Variants in MAGI1 observed in about 807,000 individuals in gnomAD.
MAGI1 encodes membrane-associated guanylate kinase, WW and PDZ domain-containing protein 1.
In MAGI1, 58 loss-of-function variants were observed where a neutral mutation model predicts 139.9. That is an observed-to-expected ratio of 0.41 (90% CI 0.34 to 0.52). The LOEUF (loss-of-function observed/expected upper bound fraction) is 0.52. Among genes scored for constraint, MAGI1 ranks in the 20% least tolerant of loss-of-function variants. The pLI is 0.12. For missense variants in MAGI1, 1,874 were observed against 1,901.6 expected (o/e 0.99, Z 0.27); for synonymous variants, 812 against 737.9 (o/e 1.10, Z -1.63).
At chr3:65,773,859 A>G (rs1265314702) in intron 1 of MAGI1, among the ~76,000 whole-genome samples, 5 of 152,162 alleles carry the variant, frequency 3.3e-5, no homozygotes, top group Non-Finnish European at 7.3e-5. Flanking sequence ...AAAGATTAAA[A>G]TTTTTATATC....
chr3:65,703,328 T>C (rs1340247803), intron 1 of MAGI1, among the ~76,000 whole-genome samples: 2 of 152,202 alleles, frequency 1.3e-5, no homozygotes. Flanking sequence ...GGCCAGTCAA[T>C]TGTCTATTCA....
chr3:65,775,386 T>C (rs572677808), intron 1 of MAGI1, among the ~76,000 whole-genome samples: 231 of 150,156 alleles, frequency 1.5e-3, no homozygotes, highest in Middle Eastern at 3.4e-3. Flanking sequence ...GACTTGGAGG[T>C]TCCAGTAAGC....
At chr3:65,964,929 C>T (rs923641436) in intron 1 of MAGI1, among the ~76,000 whole-genome samples, 2 of 152,188 alleles carry the variant, frequency 1.3e-5, no homozygotes, top group Non-Finnish European at 2.9e-5. Context: ...AAGAAACTCT[C>T]CCGGAAACTA....
chr3:65,771,755 G>A (rs1329355849), intron 1 of MAGI1, among the ~76,000 whole-genome samples: 1 of 152,134 alleles, frequency 6.6e-6, no homozygotes, highest in Non-Finnish European at 1.5e-5. Flanking sequence ...ATCATTATTT[G>A]ACTCTCCTTC....
chr3:65,509,630 C>T (rs1359362745), intron 2 of MAGI1, among the ~76,000 whole-genome samples: 1 of 152,216 alleles, frequency 6.6e-6, no homozygotes. Context: ...AGATTATATC[C>T]CACACCTGGC....
chr3:65,700,411 G>A (rs1233611571), intron 1 of MAGI1, among the ~76,000 whole-genome samples: 2 of 151,644 alleles, frequency 1.3e-5, no homozygotes, highest in Admixed American at 1.3e-4. Flanking sequence ...TCACACCACT[G>A]GGCACTCCAG....
intron 1 of MAGI1, among the ~76,000 whole-genome samples, chr3:65,934,526 T>C (rs1187662228): frequency 6.6e-6 from 1 of 152,214 alleles, no homozygotes; most frequent in Non-Finnish European, 1.5e-5. Flanking sequence ...GTAGGACTTT[T>C]TCCAAACATT....
At chr3:65,544,334 G>T (rs1241261455) in intron 2 of MAGI1, among the ~76,000 whole-genome samples, 3 of 152,092 alleles carry the variant, frequency 2.0e-5, no homozygotes, top group Admixed American at 2.0e-4. Flanking sequence ...GCTAGTCAAC[G>T]TATCACTCAA....
intron 2 of MAGI1, among the ~76,000 whole-genome samples, chr3:65,578,278 A>G (rs1576373034): frequency 1.3e-5 from 2 of 152,298 alleles, no homozygotes; most frequent in South Asian, 2.1e-4. Context: ...ACACAGAAAC[A>G]TGGTTCTGTT....
chr3:65,762,945 C>T (rs1424278644), intron 1 of MAGI1, among the ~76,000 whole-genome samples: 1 of 152,146 alleles, frequency 6.6e-6, no homozygotes, highest in Admixed American at 6.5e-5. Context: ...ATATTCATTG[C>T]AACATAATCT....
chr3:66,021,827 C>A (rs142728911), intron 1 of MAGI1, among the ~76,000 whole-genome samples: 45 of 152,214 alleles, frequency 3.0e-4, no homozygotes, highest in African/African-American at 1.1e-3. Flanking sequence ...TAAAGCCACG[C>A]CCCGGTGACT....
rs552375532 is a variant in MAGI1, at chr3:65,676,781, T to A, written c.314-54693A>T. Among the ~76,000 whole-genome samples the A allele has an allele frequency of 3.8e-4, 58 of 152,332 alleles. No individual in the cohort carries two copies. The South Asian group carries it at 0.011, about 28-fold the overall frequency. On this transcript the variant is annotated intron_variant, in intron 1 of 22. Transcript: ENST00000402939. ...TTTCTCAGGAGCTTTAGAAAACAGA[T>A]GGTTACACCATCCTTTGAATCTGTC...
chr3:65,633,733 G>C (rs2084439935), intron 1 of MAGI1, among the ~76,000 whole-genome samples: 1 of 151,686 alleles, frequency 6.6e-6, no homozygotes. Context: ...AATAACATCT[G>C]TTCAGAAAAA....
intron 2 of MAGI1, among the ~76,000 whole-genome samples, chr3:65,582,464 G>A (rs1350416603): frequency 6.6e-6 from 1 of 152,166 alleles, no homozygotes; most frequent in East Asian, 1.9e-4. Context: ...GTAATGGAGA[G>A]GATGATTTTA....
At chr3:65,646,857 A>G (rs955959559) in intron 1 of MAGI1, among the ~76,000 whole-genome samples, 3 of 151,538 alleles carry the variant, frequency 2.0e-5, no homozygotes, top group Admixed American at 1.3e-4. Flanking sequence ...AAATAAAAAA[A>G]CAACGTGTCA....
At chr3:66,027,265 CAAATAAATAAATAAATAAATAAAT>C (rs201338759) in intron 1 of MAGI1, among the ~76,000 whole-genome samples, 20 of 69,832 alleles carry the variant, frequency 2.9e-4, no homozygotes, top group East Asian at 1.3e-3. Flanking sequence ...GACTCCGTCT[CAAATAAATAAATAAATAAATAAAT>C]AAATAAATAA....
chr3:65,365,464 C>T (rs1941323572), intron 18 of MAGI1, among the ~76,000 whole-genome samples: 1 of 152,110 alleles, frequency 6.6e-6, no homozygotes, highest in South Asian at 2.1e-4. Context: ...ACTTTCTTTC[C>T]CACTGCTTTT....
intron 5 of MAGI1, among the ~76,000 whole-genome samples, chr3:65,469,524 T>C (rs1156463599): frequency 6.6e-6 from 1 of 152,116 alleles, no homozygotes; most frequent in Non-Finnish European, 1.5e-5. Flanking sequence ...ATTTACATTT[T>C]ATAAATCTGA....
intron 13 of MAGI1, among the ~76,000 whole-genome samples, chr3:65,397,991 T>C (rs1944528004): frequency 6.6e-6 from 1 of 152,122 alleles, no homozygotes; most frequent in Non-Finnish European, 1.5e-5. Flanking sequence ...TGCATAAACA[T>C]TTTGGAAATT....
Sources: gnomAD v4.1 joint callset for allele counts (sites outside exome capture counted in the v4.1 genomes callset) on GRCh38, gnomAD v4.1.1 for gene constraint, MANE v1.5 for transcripts, NCBI Gene and HGNC (gene_info 2026-07-23, HGNC 2026-07-21) for gene names.